The following CACNA1A variants were observed in gnomAD, a reference collection of about 807,000 sequenced individuals.
CACNA1A encodes voltage-dependent P/Q-type calcium channel subunit alpha-1A.
Under a neutral mutation model 262.4 loss-of-function variants are expected in CACNA1A, and 57 were observed. The observed-to-expected ratio is 0.22, with a 90% CI of 0.18 to 0.27. CACNA1A has a LOEUF of 0.27. CACNA1A is among the 10% of genes least tolerant of loss of function. The pLI, the probability that CACNA1A is intolerant of heterozygous loss-of-function variation, is 1.00. For synonymous variants in CACNA1A, 1,431 were observed against 1,419.3 expected (o/e 1.01, Z -0.18); for missense variants, 2,526 against 3,562.8 (o/e 0.71, Z 7.41).
At chr19:13,376,936 A>G (rs947085139) in intron 3 of CACNA1A, among the ~76,000 whole-genome samples, 4 of 145,140 alleles carry the variant, frequency 2.8e-5, no homozygotes, top group Non-Finnish European at 4.5e-5. Flanking sequence ...TATATATATA[A>G]TTTATATTAC....
rs762052335 is a variant in CACNA1A at position 13,234,076 on chromosome 19, A to G, written c.5249+845T>C. Among the ~76,000 whole-genome samples, 697 of 137,462 alleles carry G rather than the reference A, an allele frequency of 5.1e-3. 3 individuals carry two copies. The highest frequency in any genetic ancestry group is 0.031 in the Middle Eastern group (8 of 254). The allele number at this position is 137,462 out of a possible 152,430, so 90.2% of individuals were successfully genotyped here. A position where few individuals can be genotyped will look rare whatever the true frequency, so the allele number is the denominator to read the frequency against. ...AAAAAAAAAAAAAAAAGGGCTGGGC[A>G]CGGTGGCTCACGCCTGTAATCCCAG... On this transcript the variant is annotated intron_variant, in intron 34 of 46. Coordinates refer to ENST00000360228, the MANE Select transcript of CACNA1A (RefSeq NM_001127222.2).
chr19:13,287,848 G>A (rs2057441519), intron 19 of CACNA1A, among the ~76,000 whole-genome samples: 2 of 150,172 alleles, frequency 1.3e-5, no homozygotes, highest in African/African-American at 4.9e-5. Flanking sequence ...TGTTGCCCAG[G>A]CTGGAGAGCA....
intron 10 of CACNA1A, among the ~76,000 whole-genome samples, chr19:13,318,577 G>C (rs1227135114): frequency 6.6e-6 from 1 of 152,158 alleles, no homozygotes; most frequent in East Asian, 1.9e-4. Context: ...CGGGAGCTGG[G>C]AGACCAGGCT....
Position 13,307,862 on chromosome 19 carries a change from G to A in CACNA1A, c.1914-8C>T. ...CCTTCATCGAAATTAAACCTGCAGG[G>A]AGGACACAGACATTTCACGTTGGCC... On this transcript the variant is annotated splice_polypyrimidine_tract_variant and splice_region_variant and intron_variant, in intron 14 of 46. Transcript: ENST00000360228. The A allele has an allele frequency of 6.2e-7, 1 of 1,613,116 alleles. No homozygotes were observed. Among genetic ancestry groups the A allele is most frequent in the Non-Finnish European group, 8.5e-7 (1 of 1,179,092 alleles).
At chr19:13,274,981 C>CT (rs1182771918) in intron 24 of CACNA1A, 2 of 151,690 alleles carry the variant, frequency 1.3e-5, no homozygotes, top group African/African-American at 4.8e-5. Context: ...CCACCCAGAA[C>CT]TTGGATGCCA....
At chr19:13,493,706 CA>C (rs1229265101) in intron 1 of CACNA1A, among the ~76,000 whole-genome samples, 1 of 152,218 alleles carries the variant, frequency 6.6e-6, no homozygotes, top group Non-Finnish European at 1.5e-5. Context: ...GAATTTCATT[CA>C]GAAAACTATC....
chr19:13,333,812 A>G (rs1219734367), intron 8 of CACNA1A: 1 of 152,368 alleles, frequency 6.6e-6, no homozygotes, highest in Non-Finnish European at 1.5e-5. Flanking sequence ...CATGACATGT[A>G]TTTGTTTGCT....
chr19:13,504,829 T>C (rs928279845), intron 1 of CACNA1A, among the ~76,000 whole-genome samples: 2 of 152,120 alleles, frequency 1.3e-5, no homozygotes, highest in Non-Finnish European at 2.9e-5. Context: ...CCTGCCTACA[T>C]CTCGATAGAT....
chr19:13,417,292 G>A (rs2060240413), intron 3 of CACNA1A, among the ~76,000 whole-genome samples: 1 of 152,232 alleles, frequency 6.6e-6, no homozygotes, highest in Non-Finnish European at 1.5e-5. Flanking sequence ...CGCTCGGTAT[G>A]TGGGTCCCGA....
chr19:13,237,728 C>T (rs753108642), intron 31 of CACNA1A, among the ~76,000 whole-genome samples: 32 of 152,178 alleles, frequency 2.1e-4, no homozygotes, highest in Non-Finnish European at 3.2e-4. Flanking sequence ...AGCCCCAAAC[C>T]CAGCTTGGCT....
At chr19:13,257,827 T>G (rs1426663914) in intron 27 of CACNA1A, 1 of 219,630 alleles carries the variant, frequency 4.6e-6, no homozygotes, top group Non-Finnish European at 9.0e-6. Context: ...AACCTCCGCC[T>G]CCCGGGTTCA....
intron 1 of CACNA1A, among the ~76,000 whole-genome samples, chr19:13,472,186 G>A (rs1188350306): frequency 1.3e-5 from 2 of 151,936 alleles, no homozygotes; most frequent in Admixed American, 6.6e-5. Context: ...GCCCAGGCTG[G>A]TCTTGAACTC....
rs10406678 is a variant in CACNA1A at position 13,413,328 on chromosome 19, A to C, written c.539+39548T>G. ...TCACTGTGTTAGCCAGGATGGTCTC[A>C]ATCTCCTGACCTCGTGATCCGCCCG... On this transcript the variant is annotated intron_variant, in intron 3 of 46. Transcript: ENST00000360228. Among the ~76,000 whole-genome samples the C allele has an allele frequency of 7.8e-4, 117 of 150,732 alleles. 1 individual carries two copies. The Middle Eastern group carries it at 0.01, about 13-fold the overall frequency.
At chr19:13,340,424 A>ATT (rs34472942) in intron 6 of CACNA1A, among the ~76,000 whole-genome samples, 9 of 111,970 alleles carry the variant, frequency 8.0e-5, no homozygotes, top group African/African-American at 2.4e-4. Context: ...AGAGAGGTCT[A>ATT]TTTTTTTTTT....
At chr19:13,366,551 C>A (rs949799590) in intron 4 of CACNA1A, among the ~76,000 whole-genome samples, 1 of 152,194 alleles carries the variant, frequency 6.6e-6, no homozygotes, top group African/African-American at 2.4e-5. Flanking sequence ...CCAGCCTCTG[C>A]CTCCCAAAGT....
chr19:13,349,117 T>C (rs554137104), intron 6 of CACNA1A, among the ~76,000 whole-genome samples: 1 of 151,838 alleles, frequency 6.6e-6, no homozygotes, highest in East Asian at 1.9e-4. Flanking sequence ...GTGTGAACCC[T>C]GGCTTTGTCA....
rs2054587049 is a variant in CACNA1A at position 13,206,942 on chromosome 19, A to ATTT, written c.*370_*371insAAA. 1.3e-5 allele frequency: 1 copy of ATTT among 76,076 alleles called. No homozygotes were observed. Among genetic ancestry groups the ATTT allele is most frequent in the Non-Finnish European group, 2.5e-5 (1 of 39,244 alleles). 4.7% of individuals were successfully genotyped at this position (76,076 alleles called of 1,614,324 possible). ...TTTCTCCCCGTTTTTTCTTTTAAAA[A>ATTT]TGTTTTTTTTTTTTTTTTTTTTTTT... On this transcript the variant is annotated 3_prime_UTR_variant, in exon 47 of 47. Transcript: ENST00000360228.
intron 18 of CACNA1A, 22 bp downstream of exon 18, chr19:13,300,528 C>A (rs374590736): frequency 6.5e-7 from 1 of 1,538,912 alleles, no homozygotes; most frequent in Non-Finnish European, 9.0e-7. Flanking sequence ...AGGGTAGCAT[C>A]CCAGGGATTA....
chr19:13,467,372 T>C (rs1318594895), intron 1 of CACNA1A, among the ~76,000 whole-genome samples: 4 of 151,932 alleles, frequency 2.6e-5, no homozygotes, highest in African/African-American at 9.7e-5. Context: ...TCCCAGCTAC[T>C]GGGGAGGCTG....
Sources: gnomAD v4.1 joint callset for allele counts (sites outside exome capture counted in the v4.1 genomes callset) on GRCh38, gnomAD v4.1.1 for gene constraint, MANE v1.5 for transcripts, NCBI Gene and HGNC (gene_info 2026-07-23, HGNC 2026-07-21) for gene names.